DYM: variants seen among roughly 807,000 people sequenced by gnomAD.
The protein encoded by DYM is dymeclin.
Under a neutral mutation model 93.1 loss-of-function variants are expected in DYM, and 78 were observed. The observed-to-expected ratio is 0.84, with a 90% CI of 0.70 to 1.01. The LOEUF (loss-of-function observed/expected upper bound fraction) is 1.01, where lower values mean the gene tolerates loss of function less well. DYM is among the 50% of genes least tolerant of loss of function. DYM has a pLI of 0.00. For missense variants in DYM, 789 were observed against 845.0 expected (o/e 0.93, Z 0.82); for synonymous variants, 321 against 319.7 (o/e 1.00, Z -0.04).
At chr18:49,437,055 G>T (rs1348533640) in intron 1 of DYM, among the ~76,000 whole-genome samples, 1 of 152,044 alleles carries the variant, frequency 6.6e-6, no homozygotes, top group Non-Finnish European at 1.5e-5. Flanking sequence ...AACAAAATTT[G>T]TCAGATGTTT....
chr18:49,192,085 T>C (rs2091025690), intron 14 of DYM, among the ~76,000 whole-genome samples: 1 of 147,328 alleles, frequency 6.8e-6, no homozygotes, highest in African/African-American at 2.5e-5. Context: ...TGTGCCACCA[T>C]GCCTGGCTAA....
chr18:49,439,944 G>T (rs2081185516), intron 1 of DYM, among the ~76,000 whole-genome samples: 1 of 151,518 alleles, frequency 6.6e-6, no homozygotes, highest in Non-Finnish European at 1.5e-5. Context: ...TTTTGAAGTT[G>T]CAGTGAGCTA....
chr18:49,441,873 C>T (rs1361793917), intron 1 of DYM, among the ~76,000 whole-genome samples: 1 of 152,092 alleles, frequency 6.6e-6, no homozygotes, highest in African/African-American at 2.4e-5. Context: ...ATTATGCGTG[C>T]TTCCCAGAGA....
intron 17 of DYM, among the ~76,000 whole-genome samples, chr18:49,077,508 T>C (rs1398973150): frequency 2.6e-5 from 4 of 152,178 alleles, no homozygotes; most frequent in African/African-American, 7.2e-5. Context: ...CAAGGTGAGG[T>C]AGTTGATAGT....
chr18:49,171,226 C>T (rs566135511), intron 14 of DYM, among the ~76,000 whole-genome samples: 4 of 152,062 alleles, frequency 2.6e-5, no homozygotes, highest in South Asian at 2.1e-4. Context: ...AGTAATGCTC[C>T]GAAGGTAAAG....
At chr18:49,215,506 C>G (rs1195783752) in intron 13 of DYM, among the ~76,000 whole-genome samples, 3 of 152,164 alleles carry the variant, frequency 2.0e-5, no homozygotes. Context: ...CATCCAGATC[C>G]AGGATAAACC....
At chr18:49,431,389 A>C (rs151108963) in intron 1 of DYM, among the ~76,000 whole-genome samples, 1 of 152,206 alleles carries the variant, frequency 6.6e-6, no homozygotes, top group Non-Finnish European at 1.5e-5. Context: ...AAAATTCCCT[A>C]AACAGTATGT....
chr18:49,386,058 T>C (rs961310574), intron 3 of DYM, among the ~76,000 whole-genome samples: 1 of 152,132 alleles, frequency 6.6e-6, no homozygotes, highest in Non-Finnish European at 1.5e-5. Context: ...GCAATCTTCC[T>C]GCCGTGGCCT....
At chr18:49,365,966 A>G (rs113738163) in intron 5 of DYM, among the ~76,000 whole-genome samples, 1,633 of 152,332 alleles carry the variant, frequency 0.011, 28 homozygotes, top group African/African-American at 0.038. Flanking sequence ...TAATAAAATA[A>G]TGAAGATGAT....
Position 49,209,666 on chromosome 18 carries a change from A to G in DYM, c.1510T>C (p.Tyr504His). 7.8e-7 allele frequency: 1 copy of G among 1,289,414 alleles called. No homozygotes were observed. 79.9% of individuals were successfully genotyped at this position (1,289,414 alleles called of 1,614,324 possible). A position where few individuals can be genotyped will look rare whatever the true frequency, so the allele number is the denominator to read the frequency against. Residue 504 changes from tyrosine to histidine, a missense_variant, in exon 14 of 18, where the codon TAT becomes CAT. Transcript: ENST00000675505. ...RRYVYVLDKL[Y>H]FPHSHCSTLQ... ...GTAGAACAGTGAGAGTGGGGGAAAT[A>G]CAGTTTGTCCAACACATAAACATAT... is the stretch of plus-strand genomic sequence containing the variant.
intron 14 of DYM, among the ~76,000 whole-genome samples, chr18:49,195,543 C>T (rs920392301): frequency 6.6e-6 from 1 of 152,194 alleles, no homozygotes; most frequent in Non-Finnish European, 1.5e-5. Flanking sequence ...CAGCCTCTCC[C>T]TATCCTCCCC....
At chr18:49,124,941 ATTTAC>A (rs1034899848) in intron 15 of DYM, among the ~76,000 whole-genome samples, 3 of 152,196 alleles carry the variant, frequency 2.0e-5, no homozygotes, top group African/African-American at 7.2e-5. Flanking sequence ...TTCTGTCAAT[ATTTAC>A]TTTAATATGT....
chr18:49,055,326 G>A (rs921855718), intron 17 of DYM, among the ~76,000 whole-genome samples: 2 of 152,134 alleles, frequency 1.3e-5, no homozygotes, highest in African/African-American at 2.4e-5. Context: ...AGAGTCGAGG[G>A]GACAGATGGA....
intron 17 of DYM, among the ~76,000 whole-genome samples, chr18:49,086,381 A>G (rs941763767): frequency 1.1e-4 from 17 of 152,196 alleles, no homozygotes; most frequent in African/African-American, 3.9e-4. Flanking sequence ...CATGATACCC[A>G]TTAATCCATT....
rs573510017 is a variant in DYM, at chr18:49,166,603, C to CA, written c.1626-2817dup. Among the ~76,000 whole-genome samples, 352 of 122,790 alleles carry CA rather than the reference C, an allele frequency of 2.9e-3. 2 individuals carry two copies. The highest frequency in any genetic ancestry group is 8.7e-3 in the Admixed American group (106 of 12,156). 80.6% of individuals were successfully genotyped at this position (122,790 alleles called of 152,430 possible). A position where few individuals can be genotyped will look rare whatever the true frequency, so the allele number is the denominator to read the frequency against. On this transcript the variant is annotated intron_variant, in intron 14 of 17. Coordinates refer to ENST00000675505, the MANE Select transcript of DYM (RefSeq NM_001353214.3). ...TATGTAAATTATTTTGCAGGAGATG[C>CA]AAAAAAAAAAAGGTAAAAAAATTGG...
At chr18:49,086,188 G>A (rs956130385) in intron 17 of DYM, among the ~76,000 whole-genome samples, 4 of 152,166 alleles carry the variant, frequency 2.6e-5, no homozygotes, top group African/African-American at 9.7e-5. Flanking sequence ...TTTTAAGAAA[G>A]GAATTTCTTC....
At chr18:49,072,452 T>C (rs764611239) in intron 17 of DYM, among the ~76,000 whole-genome samples, 2 of 152,224 alleles carry the variant, frequency 1.3e-5, no homozygotes, top group African/African-American at 4.8e-5. Context: ...ACTCACTCCC[T>C]GGCCACCTCC....
intron 1 of DYM, among the ~76,000 whole-genome samples, chr18:49,431,391 A>T (rs1453558625): frequency 5.9e-5 from 9 of 152,330 alleles, no homozygotes; most frequent in Non-Finnish European, 1.3e-4. Context: ...AATTCCCTAA[A>T]CAGTATGTTG....
At chr18:49,101,800 C>G (rs113216513) in intron 16 of DYM, among the ~76,000 whole-genome samples, 3,844 of 152,088 alleles carry the variant, frequency 0.025, 60 homozygotes, top group South Asian at 0.066. Flanking sequence ...GAGGATTTAC[C>G]AGGGAAATAA....
Sources: gnomAD v4.1 joint callset for allele counts (sites outside exome capture counted in the v4.1 genomes callset) on GRCh38, gnomAD v4.1.1 for gene constraint, MANE v1.5 for transcripts, NCBI Gene and HGNC (gene_info 2026-07-23, HGNC 2026-07-21) for gene names.